LEKR1: variants seen among roughly 807,000 people sequenced by gnomAD.
LEKR1 encodes the protein protein LEKR1.
A neutral mutation model predicts 72.4 loss-of-function variants in LEKR1; 59 were observed. The observed-to-expected ratio is 0.82, with a 90% confidence interval of 0.66 to 1.01. LEKR1 has a LOEUF of 1.01. Among genes scored for constraint, LEKR1 ranks in the 50% least tolerant of loss-of-function variants. The probability of loss-of-function intolerance (pLI) is 0.00; values close to 1 mark genes in which losing one functional copy is unlikely to be tolerated. For synonymous variants in LEKR1, 257 were observed against 263.2 expected, an observed-to-expected ratio of 0.98 and a Z score of 0.23; for missense variants, 728 against 759.2, an observed-to-expected ratio of 0.96 and a Z score of 0.48.
At chr3:156,828,469 T>TAACTCATGGTCCTCAC (rs6148152) in intron 1 of LEKR1, among the ~76,000 whole-genome samples, 1 of 152,008 alleles carries the variant, frequency 6.6e-6, no homozygotes, top group Non-Finnish European at 1.5e-5. Context: ...CTCTTGTCTA[T>TAACTCATGGTCCTCAC]GCCTTCTTCC....
At chr3:156,882,404 C>T (rs1181149857) in intron 3 of LEKR1, among the ~76,000 whole-genome samples, 1 of 152,094 alleles carries the variant, frequency 6.6e-6, no homozygotes, top group African/African-American at 2.4e-5. Context: ...TGAAAAAATG[C>T]TCACCATCAC....
intron 6 of LEKR1, among the ~76,000 whole-genome samples, chr3:156,944,547 T>C (rs1406311459): frequency 1.3e-5 from 2 of 151,666 alleles, no homozygotes; most frequent in Non-Finnish European, 3.0e-5. Context: ...CCATCCCCAC[T>C]TTCCATCCTC....
At chr3:156,929,736 C>T (rs1198531785) in intron 5 of LEKR1, among the ~76,000 whole-genome samples, 1 of 152,092 alleles carries the variant, frequency 6.6e-6, no homozygotes, top group Non-Finnish European at 1.5e-5. Flanking sequence ...GACAGGACTA[C>T]AATTGTCAGC....
chr3:156,953,850 C>A (rs4680318), intron 6 of LEKR1, among the ~76,000 whole-genome samples: 131,928 of 151,902 alleles, frequency 0.87, 57,594 homozygotes, highest in African/African-American at 0.96. Flanking sequence ...TATTTTTATA[C>A]TAGAATTATT....
intron 3 of LEKR1, among the ~76,000 whole-genome samples, chr3:156,898,632 G>A (rs1278223629): frequency 6.6e-6 from 1 of 151,974 alleles, no homozygotes; most frequent in African/African-American, 2.4e-5. Flanking sequence ...ATGGACTAAG[G>A]TGCATAATAA....
intron 3 of LEKR1, among the ~76,000 whole-genome samples, chr3:156,880,200 CACA>C (rs1283793249): frequency 6.6e-6 from 1 of 152,212 alleles, no homozygotes; most frequent in Non-Finnish European, 1.5e-5. Context: ...CCTGCAAAGC[CACA>C]GGGGCGGAGC....
At chr3:156,985,992 T>C (rs1199011154) in intron 7 of LEKR1, among the ~76,000 whole-genome samples, 1 of 151,784 alleles carries the variant, frequency 6.6e-6, no homozygotes, top group Non-Finnish European at 1.5e-5. Flanking sequence ...GAGATTGCAG[T>C]GATGTGATTC....
chr3:156,856,097 T>C (rs151204677), intron 3 of LEKR1, among the ~76,000 whole-genome samples: 93 of 152,346 alleles, frequency 6.1e-4, no homozygotes, highest in African/African-American at 2.2e-3. Context: ...TTAAAACTTA[T>C]AGTATTAGAA....
At chr3:156,898,477 C>A (rs1721423403) in intron 3 of LEKR1, among the ~76,000 whole-genome samples, 1 of 152,130 alleles carries the variant, frequency 6.6e-6, no homozygotes, top group Non-Finnish European at 1.5e-5. Flanking sequence ...GGGAAAAAGA[C>A]CATCTGTGAA....
At chr3:156,993,318 T>C in intron 9 of LEKR1, 41 bp downstream of exon 9, 1 of 1,303,542 alleles carries the variant, frequency 7.7e-7, no homozygotes, top group Non-Finnish European at 1.1e-6. Flanking sequence ...ATTTTATGTT[T>C]AAGTTAGTAT....
intron 11 of LEKR1, among the ~76,000 whole-genome samples, chr3:157,027,181 C>CTTT (rs1209119985): frequency 1.4e-5 from 2 of 144,440 alleles, no homozygotes; most frequent in African/African-American, 2.5e-5. Context: ...ACAAATCTTG[C>CTTT]TTTTTTTTTT....
chr3:157,000,644 C>T (rs1731931962), intron 9 of LEKR1, among the ~76,000 whole-genome samples: 1 of 152,184 alleles, frequency 6.6e-6, no homozygotes, highest in African/African-American at 2.4e-5. Flanking sequence ...CATCTTAAAG[C>T]ACCATGTCTT....
chr3:156,997,234 G>C (rs576414141), intron 9 of LEKR1, among the ~76,000 whole-genome samples: 2 of 152,196 alleles, frequency 1.3e-5, no homozygotes, highest in East Asian at 3.9e-4. Flanking sequence ...GTGATCACCT[G>C]ATTGCAGACA....
At chr3:156,989,452 T>C (rs576602163) in intron 7 of LEKR1, among the ~76,000 whole-genome samples, 3 of 152,318 alleles carry the variant, frequency 2.0e-5, no homozygotes, top group Admixed American at 6.5e-5. Flanking sequence ...TATACAGATA[T>C]GTAATCTCAA....
chr3:156,985,133 C>T (rs1730562996), intron 7 of LEKR1, among the ~76,000 whole-genome samples: 1 of 151,950 alleles, frequency 6.6e-6, no homozygotes, highest in Non-Finnish European at 1.5e-5. Flanking sequence ...TACTGAGAGC[C>T]AGGACTATTG....
intron 5 of LEKR1, among the ~76,000 whole-genome samples, chr3:156,932,094 T>C (rs756758762): frequency 9.2e-5 from 14 of 152,158 alleles, no homozygotes; most frequent in Non-Finnish European, 1.9e-4. Context: ...ACAGGATGGA[T>C]TGATGGATGT....
At chr3:156,935,656 A>G (rs1333391895) in intron 5 of LEKR1, among the ~76,000 whole-genome samples, 3 of 152,216 alleles carry the variant, frequency 2.0e-5, no homozygotes, top group Non-Finnish European at 4.4e-5. Context: ...TTGAGGAACT[A>G]TCCCACTTAC....
At chr3:156,852,210 T>C (rs1346925396) in intron 2 of LEKR1, 1 of 152,338 alleles carries the variant, frequency 6.6e-6, no homozygotes, top group East Asian at 1.9e-4. Flanking sequence ...TACTAAGAAC[T>C]GATTTGGGGA....
intron 2 of LEKR1, chr3:156,852,045 T>C (rs1715430987): frequency 6.6e-6 from 1 of 152,014 alleles, no homozygotes; most frequent in African/African-American, 2.4e-5. Flanking sequence ...AATATACATG[T>C]GATAGATAAA....
Sources: allele counts gnomAD v4.1 joint callset (sites outside exome capture counted in the v4.1 genomes callset), GRCh38; gene constraint gnomAD v4.1.1; transcripts MANE v1.5; gene names NCBI Gene and HGNC (gene_info 2026-07-23, HGNC 2026-07-21).